Variants in AAK1 observed in about 807,000 individuals in gnomAD.
The protein encoded by AAK1 is AP2 associated kinase 1.
AAK1 carries 37 observed loss-of-function variants against 116.0 expected under a neutral mutation model. The observed-to-expected ratio is 0.32, with a 90% confidence interval of 0.25 to 0.42. The LOEUF (loss-of-function observed/expected upper bound fraction) is 0.42. AAK1 is among the 10% of genes least tolerant of loss of function. The pLI, the probability that AAK1 is intolerant of heterozygous loss-of-function variation, is 1.00. For synonymous variants in AAK1, 458 were observed against 439.9 expected, an observed-to-expected ratio of 1.04 and a Z score of -0.51; for missense variants, 919 against 1,170.6, an observed-to-expected ratio of 0.79 and a Z score of 3.14.
At chr2:69,619,610 A>G (rs1470169816) in intron 2 of AAK1, among the ~76,000 whole-genome samples, 1 of 152,174 alleles carries the variant, frequency 6.6e-6, no homozygotes, top group Non-Finnish European at 1.5e-5. Context: ...TAGCAGAGCC[A>G]AAGCAGGGAA....
chr2:69,490,022 T>C (rs1021049394), intron 17 of AAK1, among the ~76,000 whole-genome samples: 3 of 152,154 alleles, frequency 2.0e-5, no homozygotes, highest in African/African-American at 7.2e-5. Flanking sequence ...AAACACAGCT[T>C]CTCTTGCTTA....
chr2:69,593,856 C>T (rs1410623913), intron 2 of AAK1, among the ~76,000 whole-genome samples: 2 of 152,212 alleles, frequency 1.3e-5, no homozygotes, highest in Non-Finnish European at 2.9e-5. Flanking sequence ...TGCTACTTCC[C>T]TCACTCATTA....
chr2:69,541,471 A>T (rs148344169), intron 5 of AAK1, among the ~76,000 whole-genome samples: 1,643 of 152,226 alleles, frequency 0.011, 34 homozygotes, highest in African/African-American at 0.038. Flanking sequence ...ATCTCAAGTG[A>T]TCTGCCCGCC....
intron 2 of AAK1, among the ~76,000 whole-genome samples, chr2:69,560,280 C>T (rs1671578802): frequency 6.6e-6 from 1 of 152,226 alleles, no homozygotes; most frequent in African/African-American, 2.4e-5. Context: ...ACAGCCCTGT[C>T]TGTCACACGG....
intron 8 of AAK1, 136 bp from the exon 9 acceptor site, chr2:69,527,455 TCC>T (rs1670072606): frequency 1.7e-6 from 1 of 599,612 alleles, no homozygotes; most frequent in Non-Finnish European, 3.0e-6. Context: ...AGTATAATTA[TCC>T]CCTTTTCTCT....
chr2:69,631,934 C>T lies in AAK1; in HGVS notation c.163+10944G>A, dbSNP rs151225175. Among the ~76,000 whole-genome samples the T allele has an allele frequency of 6.3e-3, 959 of 152,186 alleles. 22 individuals are homozygous for T. Among genetic ancestry groups the T allele is most frequent in the East Asian group, 0.012 (61 of 5,186 alleles). ...GGCGGAGGTTGCAGGGAGCTGAGATCACCCCACTGGGTGACAAAGTGAGAC... is the reference window on the plus strand; with the variant it reads ...GGCGGAGGTTGCAGGGAGCTGAGATTACCCCACTGGGTGACAAAGTGAGAC... On this transcript the variant is annotated intron_variant, in intron 2 of 21. Transcript: ENST00000409085.
At chr2:69,620,217 A>AGGTTT (rs1674535887) in intron 2 of AAK1, among the ~76,000 whole-genome samples, 1 of 152,170 alleles carries the variant, frequency 6.6e-6, no homozygotes, top group South Asian at 2.1e-4. Flanking sequence ...TGATAAACTG[A>AGGTTT]ATGACAAGAG....
intron 13 of AAK1, among the ~76,000 whole-genome samples, chr2:69,510,585 G>A (rs1035320027): frequency 1.3e-5 from 2 of 152,186 alleles, no homozygotes; most frequent in Non-Finnish European, 2.9e-5. Context: ...TTGCTGGGTT[G>A]AATAGTAGTT....
intron 2 of AAK1, among the ~76,000 whole-genome samples, chr2:69,559,802 A>G (rs905619784): frequency 1.8e-4 from 28 of 152,264 alleles, no homozygotes; most frequent in African/African-American, 6.5e-4. Context: ...GGTATTTCCT[A>G]CAGTTCAATG....
At position 69,468,723 on chromosome 2, in the gene AAK1, A is replaced by G. The variant is rs191472763; in HGVS notation, c.*7146T>C. On this transcript the variant is annotated 3_prime_UTR_variant, in exon 22 of 22. Transcript: ENST00000409085. ...AGCAGCTATCTATTGAACCAGGGGC[A>G]CTTTGGATGCCTGAAGTGCTAGATT... The G allele has an allele frequency of 1.2e-3, 1,209 of 985,452 alleles. No homozygotes were observed. Among genetic ancestry groups the G allele is most frequent in the Non-Finnish European group, 1.4e-3 (1,152 of 829,942 alleles). The allele number at this position is 985,452 out of a possible 1,614,324, so 61.0% of individuals were successfully genotyped here. A position where few individuals can be genotyped will look rare whatever the true frequency, so the allele number is the denominator to read the frequency against.
chr2:69,609,625 T>C (rs940515015), intron 2 of AAK1, among the ~76,000 whole-genome samples: 8 of 151,032 alleles, frequency 5.3e-5, no homozygotes, highest in Non-Finnish European at 1.2e-4. Flanking sequence ...GATTGTGCCA[T>C]TGCACCCCAG....
chr2:69,612,202 T>C (rs1674117820), intron 2 of AAK1, among the ~76,000 whole-genome samples: 1 of 152,184 alleles, frequency 6.6e-6, no homozygotes, highest in Non-Finnish European at 1.5e-5. Context: ...ATTTCATCTG[T>C]TAGAGAGAAA....
At chr2:69,547,832 C>A (rs1056511583) in intron 3 of AAK1, among the ~76,000 whole-genome samples, 1 of 152,056 alleles carries the variant, frequency 6.6e-6, no homozygotes, top group Non-Finnish European at 1.5e-5. Context: ...GTGAAAATAA[C>A]CCAATTCCAT....
At chr2:69,582,530 C>T (rs533743212) in intron 2 of AAK1, among the ~76,000 whole-genome samples, 20 of 152,284 alleles carry the variant, frequency 1.3e-4, no homozygotes, top group African/African-American at 4.8e-4. Context: ...GGGAAGGAAG[C>T]TAATGACTTT....
chr2:69,583,717 T>C (rs1228734652), intron 2 of AAK1, among the ~76,000 whole-genome samples: 1 of 152,160 alleles, frequency 6.6e-6, no homozygotes, highest in Non-Finnish European at 1.5e-5. Context: ...ATGTGTACAA[T>C]TTTTTCATCT....
Position 69,472,036 on chromosome 2 carries a change from G to A in AAK1, c.*3833C>T. On this transcript the variant is annotated 3_prime_UTR_variant, in exon 22 of 22. Transcript: ENST00000409085. ...AATATCAAATAACACTGAACAAAGT[G>A]ACAACTTCTTTCAGAGGTGTTTTAA... 1.0e-6 allele frequency: 1 copy of A among 985,250 alleles called. No homozygotes were observed. Among genetic ancestry groups the A allele is most frequent in the Non-Finnish European group, 1.2e-6 (1 of 829,836 alleles). 61.0% of individuals were successfully genotyped at this position (985,250 alleles called of 1,614,324 possible). A position where few individuals can be genotyped will look rare whatever the true frequency, so the allele number is the denominator to read the frequency against.
At chr2:69,635,906 C>T (rs1054256351) in intron 2 of AAK1, among the ~76,000 whole-genome samples, 5 of 152,058 alleles carry the variant, frequency 3.3e-5, no homozygotes, top group Non-Finnish European at 5.9e-5. Context: ...CCTAGACGTA[C>T]ATTTAAAAAT....
At chr2:69,512,761 A>G (rs1676439135) in intron 13 of AAK1, among the ~76,000 whole-genome samples, 1 of 152,236 alleles carries the variant, frequency 6.6e-6, no homozygotes, top group African/African-American at 2.4e-5. Flanking sequence ...TTTTTCATCC[A>G]AAGAACACGG....
chr2:69,479,185 C>T (rs898210624), intron 19 of AAK1, 124 bp from the exon 20 acceptor site: 5 of 668,548 alleles, frequency 7.5e-6, no homozygotes, highest in South Asian at 4.0e-5. Flanking sequence ...AAAGCCAAAG[C>T]GGGAGAATAA....
Sources: gnomAD v4.1 joint callset for allele counts (sites outside exome capture counted in the v4.1 genomes callset) on GRCh38, gnomAD v4.1.1 for gene constraint, MANE v1.5 for transcripts, NCBI Gene and HGNC (gene_info 2026-07-23, HGNC 2026-07-21) for gene names.